Variants in TRPM3 observed in about 807,000 individuals in gnomAD.
TRPM3 encodes the protein transient receptor potential cation channel subfamily M member 3.
A neutral mutation model predicts 181.2 loss-of-function variants in TRPM3; 77 were observed. The ratio of observed to expected loss-of-function variants is 0.42; its 90% CI spans 0.35 to 0.51. The LOEUF (loss-of-function observed/expected upper bound fraction) is 0.51. Among genes scored for constraint, TRPM3 ranks in the 20% least tolerant of loss-of-function variants. The pLI is 0.01. For missense variants in TRPM3, 1,759 were observed against 2,196.7 expected, an observed-to-expected ratio of 0.80 and a Z score of 3.98; for synonymous variants, 745 against 796.4, an observed-to-expected ratio of 0.94 and a Z score of 1.09.
chr9:71,211,221 C>T (rs991263731), intron 1 of TRPM3, among the ~76,000 whole-genome samples: 4 of 152,280 alleles, frequency 2.6e-5, no homozygotes, highest in South Asian at 2.1e-4. Context: ...AGTCATTAAC[C>T]GTGATCTCTA....
intron 1 of TRPM3, among the ~76,000 whole-genome samples, chr9:71,336,277 T>C (rs2090550747): frequency 6.6e-6 from 1 of 151,040 alleles, no homozygotes; most frequent in Admixed American, 6.6e-5. Context: ...ACAAAACCAA[T>C]GTGCAAAAAT....
At chr9:70,811,064 T>C in intron 6 of TRPM3, 1 of 853,116 alleles carries the variant, frequency 1.2e-6, no homozygotes, top group Non-Finnish European at 1.9e-6. Flanking sequence ...AAAACAACAG[T>C]CATAGGGAGT....
intron 1 of TRPM3, among the ~76,000 whole-genome samples, chr9:71,023,082 A>T (rs978713377): frequency 6.6e-6 from 1 of 152,190 alleles, no homozygotes; most frequent in Non-Finnish European, 1.5e-5. Flanking sequence ...AAATATTTGC[A>T]CACCTCATAT....
At chr9:70,581,510 G>A (rs1045582021) in intron 22 of TRPM3, among the ~76,000 whole-genome samples, 2 of 152,350 alleles carry the variant, frequency 1.3e-5, no homozygotes, top group East Asian at 1.9e-4. Flanking sequence ...TGTCACATCT[G>A]AGGAAAGGCA....
intron 1 of TRPM3, among the ~76,000 whole-genome samples, chr9:70,912,328 A>C (rs1251381118): frequency 1.3e-5 from 2 of 152,234 alleles, no homozygotes; most frequent in Non-Finnish European, 2.9e-5. Flanking sequence ...ACAACTTCCC[A>C]GTTAAAAATT....
intron 1 of TRPM3, among the ~76,000 whole-genome samples, chr9:70,875,324 T>C (rs2095852379): frequency 6.6e-6 from 1 of 151,956 alleles, no homozygotes; most frequent in Non-Finnish European, 1.5e-5. Context: ...ATATAGGGCC[T>C]TTTTTGAAAA....
rs116039662 is a variant in TRPM3, at chr9:71,084,077, G to A, written c.177+37101C>T. Among the ~76,000 whole-genome samples the A allele has an allele frequency of 8.9e-3, 1,358 of 151,938 alleles. 22 individuals are homozygous for A. Among genetic ancestry groups the A allele is most frequent in the African/African-American group, 0.029 (1,218 of 41,486 alleles). On this transcript the variant is annotated intron_variant, in intron 1 of 25. Coordinates refer to ENST00000677713, the MANE Select transcript of TRPM3 (RefSeq NM_001366145.2). ...CAGAAGAAGGAGATTTTTGAAAGAA[G>A]GGAAGAAGGCAAGCCAGTCTTTGGC...
At chr9:70,819,928 CTCT>C (rs769126438) in intron 6 of TRPM3, among the ~76,000 whole-genome samples, 14 of 152,138 alleles carry the variant, frequency 9.2e-5, no homozygotes, top group Non-Finnish European at 1.8e-4. Context: ...GATTTCTGTC[CTCT>C]TCTTCTAATT....
intron 9 of TRPM3, 41 bp downstream of exon 9, chr9:70,681,465 T>A: frequency 6.5e-7 from 1 of 1,549,684 alleles, no homozygotes; most frequent in Non-Finnish European, 8.9e-7. Flanking sequence ...TATTAATTCG[T>A]TTAAATTATT....
At chr9:70,944,752 G>T (rs1589969889) in intron 1 of TRPM3, among the ~76,000 whole-genome samples, 2 of 151,752 alleles carry the variant, frequency 1.3e-5, no homozygotes, top group East Asian at 3.9e-4. Context: ...TATTAAAATG[G>T]CCAGAAGGAC....
chr9:70,624,899 A>C (rs923509870), intron 14 of TRPM3, among the ~76,000 whole-genome samples: 3 of 152,334 alleles, frequency 2.0e-5, no homozygotes, highest in Non-Finnish European at 4.4e-5. Flanking sequence ...TCTCCATTTA[A>C]ATTTCTAACA....
At chr9:71,153,307 T>C (rs890570073) in intron 1 of TRPM3, among the ~76,000 whole-genome samples, 2 of 151,562 alleles carry the variant, frequency 1.3e-5, no homozygotes, top group Admixed American at 6.6e-5. Context: ...TTTTTTTTTT[T>C]CTGAGACAGA....
At chr9:71,331,348 G>T (rs1486705699) in intron 1 of TRPM3, among the ~76,000 whole-genome samples, 4 of 151,740 alleles carry the variant, frequency 2.6e-5, no homozygotes, top group African/African-American at 7.3e-5. Flanking sequence ...CATTAATTTT[G>T]CCTCGTAATA....
intron 1 of TRPM3, among the ~76,000 whole-genome samples, chr9:70,983,273 C>A (rs930285505): frequency 3.9e-5 from 6 of 152,070 alleles, no homozygotes; most frequent in African/African-American, 1.4e-4. Flanking sequence ...CTCTTCCAAG[C>A]CATTAAATAC....
At chr9:70,564,314 T>C (rs2049965421) in intron 22 of TRPM3, among the ~76,000 whole-genome samples, 1 of 152,150 alleles carries the variant, frequency 6.6e-6, no homozygotes, top group South Asian at 2.1e-4. Context: ...TCCACCTACC[T>C]ATAATTCATC....
At chr9:71,359,323 A>G (rs757585955) in intron 1 of TRPM3, among the ~76,000 whole-genome samples, 1 of 152,232 alleles carries the variant, frequency 6.6e-6, no homozygotes, top group Non-Finnish European at 1.5e-5. Context: ...GTGTTCACAC[A>G]TGTGTGCAAT....
chr9:71,334,138 TA>T (rs2090402350), intron 1 of TRPM3, among the ~76,000 whole-genome samples: 1 of 151,680 alleles, frequency 6.6e-6, no homozygotes, highest in Non-Finnish European at 1.5e-5. Context: ...TCTTGAAAGG[TA>T]AGAAGCTCTG....
intron 21 of TRPM3, among the ~76,000 whole-genome samples, chr9:70,591,808 T>C (rs564774534): frequency 1.3e-4 from 20 of 152,198 alleles, no homozygotes; most frequent in Admixed American, 4.6e-4. Context: ...CCCACCCCAC[T>C]GCATAGTATT....
At chr9:71,197,140 G>A (rs891221003) in intron 1 of TRPM3, among the ~76,000 whole-genome samples, 15 of 151,994 alleles carry the variant, frequency 9.9e-5, no homozygotes, top group African/African-American at 9.7e-5. Flanking sequence ...TTGTCCTTGC[G>A]ATAGTTTACG....
Sources: allele counts gnomAD v4.1 joint callset (sites outside exome capture counted in the v4.1 genomes callset), GRCh38; gene constraint gnomAD v4.1.1; transcripts MANE v1.5; gene names NCBI Gene and HGNC (gene_info 2026-07-23, HGNC 2026-07-21).